ESRRG: variants seen among roughly 807,000 people sequenced by gnomAD.
ESRRG encodes estrogen related receptor gamma.
Under a neutral mutation model 44.0 loss-of-function variants are expected in ESRRG, and 13 were observed. That is an observed-to-expected ratio of 0.30 (90% confidence interval 0.19 to 0.47). ESRRG has a LOEUF of 0.47. ESRRG is among the 20% of genes least tolerant of loss of function. The pLI is 1.00. For synonymous variants in ESRRG, 215 were observed against 214.6 expected, an observed-to-expected ratio of 1.00 and a Z score of -0.02; for missense variants, 395 against 580.6, an observed-to-expected ratio of 0.68 and a Z score of 3.29.
intron 1 of ESRRG, among the ~76,000 whole-genome samples, chr1:217,062,048 A>T (rs762349713): frequency 8.5e-5 from 13 of 152,168 alleles, no homozygotes; most frequent in Non-Finnish European, 1.6e-4. Flanking sequence ...GAATTTATAG[A>T]TTGAGGGCAG....
intron 1 of ESRRG, among the ~76,000 whole-genome samples, chr1:216,972,191 G>A (rs772544369): frequency 6.6e-6 from 1 of 152,040 alleles, no homozygotes; most frequent in Non-Finnish European, 1.5e-5. Flanking sequence ...AAATTATGCC[G>A]GTTTTTGTCC....
intron 2 of ESRRG, among the ~76,000 whole-genome samples, chr1:216,883,282 G>A (rs893801421): frequency 6.6e-6 from 1 of 151,508 alleles, no homozygotes; most frequent in Non-Finnish European, 1.5e-5. Flanking sequence ...CTAGTTGGGA[G>A]GCAGAGGCAG....
intron 1 of ESRRG, among the ~76,000 whole-genome samples, chr1:216,953,099 C>A (rs1159785973): frequency 3.3e-5 from 5 of 152,102 alleles, no homozygotes; most frequent in African/African-American, 1.2e-4. Context: ...TTTCTGACAG[C>A]CAGTCGAAAT....
At chr1:216,517,963 T>C (rs6604627) in intron 6 of ESRRG, among the ~76,000 whole-genome samples, 114,709 of 151,938 alleles carry the variant, frequency 0.75, 43,503 homozygotes, top group East Asian at 0.82. Flanking sequence ...CCTATCAGTC[T>C]AAGGATTCAT....
At chr1:216,561,346 A>C (rs1359442381) in intron 5 of ESRRG, among the ~76,000 whole-genome samples, 1 of 152,160 alleles carries the variant, frequency 6.6e-6, no homozygotes, top group African/African-American at 2.4e-5. Flanking sequence ...CAGGGGCTTG[A>C]ATTTTAGTGT....
chr1:216,551,620 G>A lies in ESRRG; in HGVS notation c.862+12599C>T, dbSNP rs191117699. Among the ~76,000 whole-genome samples, 97 of 152,202 alleles carry A rather than the reference G, an allele frequency of 6.4e-4. 1 individual carries two copies. The highest frequency in any genetic ancestry group is 2.2e-3 in the African/African-American group (92 of 41,554). On this transcript the variant is annotated intron_variant, in intron 5 of 6. Coordinates refer to ENST00000408911, the MANE Select transcript of ESRRG (RefSeq NM_001438.4). Reference sequence around the variant, plus strand: ...TCAGAGTGCAGAGGGTCAGACAACCGATCGGGTTAATTAAAACCCGTGGAT... The same window carrying A: ...TCAGAGTGCAGAGGGTCAGACAACCAATCGGGTTAATTAAAACCCGTGGAT...
chr1:217,100,444 C>G (rs551712814), intron 1 of ESRRG, among the ~76,000 whole-genome samples: 13 of 152,204 alleles, frequency 8.5e-5, no homozygotes, highest in Non-Finnish European at 1.8e-4. Context: ...ACTTATCCCT[C>G]ATCTAGTTTT....
chr1:216,853,854 C>A (rs1267408766), intron 2 of ESRRG, among the ~76,000 whole-genome samples: 1 of 152,170 alleles, frequency 6.6e-6, no homozygotes, highest in African/African-American at 2.4e-5. Context: ...GATTCAATTG[C>A]TTTTTTATCT....
At chr1:216,869,965 A>G (rs2096236842) in intron 2 of ESRRG, among the ~76,000 whole-genome samples, 1 of 151,940 alleles carries the variant, frequency 6.6e-6, no homozygotes, top group Non-Finnish European at 1.5e-5. Context: ...GGGATTTTCT[A>G]CCTAGAAAAT....
At chr1:217,118,582 G>C (rs2102488078) in intron 1 of ESRRG, among the ~76,000 whole-genome samples, 1 of 152,242 alleles carries the variant, frequency 6.6e-6, no homozygotes, top group South Asian at 2.1e-4. Flanking sequence ...ATCTTACCAA[G>C]GAAGAAAATA....
intron 1 of ESRRG, among the ~76,000 whole-genome samples, chr1:217,122,410 A>G (rs376475013): frequency 1.3e-5 from 2 of 152,268 alleles, no homozygotes; most frequent in South Asian, 2.1e-4. Context: ...GATTTTGACT[A>G]AGTTACCTCT....
At chr1:216,645,245 G>A (rs2067285192) in intron 3 of ESRRG, among the ~76,000 whole-genome samples, 1 of 152,006 alleles carries the variant, frequency 6.6e-6, no homozygotes, top group Admixed American at 6.6e-5. Context: ...AGAATTTTCA[G>A]TTAAGACAAA....
intron 5 of ESRRG, among the ~76,000 whole-genome samples, chr1:216,541,608 A>G (rs75546283): frequency 0.16 from 15,122 of 95,442 alleles, 869 homozygotes; most frequent in African/African-American, 0.27. Flanking sequence ...GTGTGTGTGT[A>G]TGTGATCAGC....
chr1:216,562,391 G>A (rs1280667696), intron 5 of ESRRG, among the ~76,000 whole-genome samples: 3 of 152,126 alleles, frequency 2.0e-5, no homozygotes, highest in Admixed American at 2.0e-4. Flanking sequence ...ATTTGTGCAA[G>A]TGTTTTTTAC....
At chr1:217,079,791 C>T (rs2091604072) in intron 1 of ESRRG, among the ~76,000 whole-genome samples, 1 of 152,222 alleles carries the variant, frequency 6.6e-6, no homozygotes, top group Non-Finnish European at 1.5e-5. Context: ...GAGCCAGGCA[C>T]AGTGCCAGAC....
chr1:216,999,895 A>C (rs1172362425), intron 1 of ESRRG, among the ~76,000 whole-genome samples: 2 of 152,136 alleles, frequency 1.3e-5, no homozygotes, highest in African/African-American at 4.8e-5. Flanking sequence ...GACTATTCCC[A>C]TGTTTGTTTC....
intron 2 of ESRRG, among the ~76,000 whole-genome samples, chr1:216,807,617 A>G (rs1436350735): frequency 6.6e-6 from 1 of 152,170 alleles, no homozygotes; most frequent in Non-Finnish European, 1.5e-5. Context: ...GATATCTGAC[A>G]GAAAGGAGGC....
intron 1 of ESRRG, among the ~76,000 whole-genome samples, chr1:217,052,053 G>A (rs1022509475): frequency 2.6e-5 from 4 of 152,136 alleles, no homozygotes; most frequent in East Asian, 1.9e-4. Flanking sequence ...TTACAGGCAC[G>A]AGCCACTACA....
At chr1:216,612,335 G>A (rs2060786168) in intron 3 of ESRRG, among the ~76,000 whole-genome samples, 1 of 151,952 alleles carries the variant, frequency 6.6e-6, no homozygotes, top group Non-Finnish European at 1.5e-5. Context: ...TGCCCAACCA[G>A]GAAGGAAGAC....
Sources: gnomAD v4.1 joint callset for allele counts (sites outside exome capture counted in the v4.1 genomes callset) on GRCh38, gnomAD v4.1.1 for gene constraint, MANE v1.5 for transcripts, NCBI Gene and HGNC (gene_info 2026-07-23, HGNC 2026-07-21) for gene names.